The following CYP7B1 variants were observed in gnomAD, a reference collection of about 807,000 sequenced individuals.
CYP7B1 encodes cytochrome P450 family 7 subfamily B member 1, also known as cytochrome P450 7B1.
A neutral mutation model predicts 42.7 loss-of-function variants in CYP7B1; 29 were observed. The ratio of observed to expected loss-of-function variants is 0.68; its 90% confidence interval spans 0.51 to 0.93. The LOEUF (loss-of-function observed/expected upper bound fraction) is 0.93. Among genes scored for constraint, CYP7B1 ranks in the 40% least tolerant of loss-of-function variants. The pLI is 0.00. For synonymous variants in CYP7B1, 235 were observed against 218.2 expected (o/e 1.08, Z -0.68); for missense variants, 655 against 600.5 (o/e 1.09, Z -0.95).
rs1262123033 is a variant in CYP7B1, at chr8:64,592,238, T to G, written c.*4404A>C. The stretch of plus-strand genomic sequence containing the variant: ...AATATATAATACAGTTTTTAAAAAT[T>G]CTAAGCCTCAATGACTATATTTGGT... On this transcript the variant is annotated 3_prime_UTR_variant, in exon 6 of 6. Transcript: ENST00000310193. Among the ~76,000 whole-genome samples the G allele has an allele frequency of 1.3e-5, 2 of 152,122 alleles. No individual in the cohort carries two copies. Among genetic ancestry groups the G allele is most frequent in the Non-Finnish European group, 2.9e-5 (2 of 68,014 alleles).
chr8:64,596,706 C>A lies in CYP7B1; in HGVS notation c.1457G>T (p.Arg486Leu). 1 of 1,613,356 alleles carries A rather than the reference C, an allele frequency of 6.2e-7. No individual in the cohort carries two copies. The highest frequency in any genetic ancestry group is 8.5e-7 in the Non-Finnish European group (1 of 1,179,696). The change falls in exon 6 of 6, where the codon CGC becomes CTC. Residue 486 changes from arginine (R) to leucine (L), a missense_variant. Coordinates refer to ENST00000310193, the MANE Select transcript of CYP7B1 (RefSeq NM_004820.5). ...DDKPIGLNYSRLLFGIQYPDS... is the reference protein window; with the variant it reads ...DDKPIGLNYSLLLFGIQYPDS... ...TGGATACTGAATACCAAACAACAAG[C>A]GGCTGTAGTTTAGTCCTATGGGCTT...
At chr8:64,692,009 A>C (rs1806753339) in intron 1 of CYP7B1, among the ~76,000 whole-genome samples, 1 of 152,238 alleles carries the variant, frequency 6.6e-6, no homozygotes, top group African/African-American at 2.4e-5. Context: ...GCATCAACTG[A>C]ATGTCCTCTG....
At chr8:64,648,628 TTC>T (rs1805989909) in intron 1 of CYP7B1, among the ~76,000 whole-genome samples, 1 of 152,214 alleles carries the variant, frequency 6.6e-6, no homozygotes, top group Non-Finnish European at 1.5e-5. Context: ...AATTAATTCA[TTC>T]TGTTTTGCTC....
chr8:64,739,483 C>T (rs1443264040), intron 1 of CYP7B1, among the ~76,000 whole-genome samples: 3 of 152,198 alleles, frequency 2.0e-5, no homozygotes, highest in African/African-American at 4.8e-5. Flanking sequence ...CACAGCCTAA[C>T]ACCTAGCAAG....
intron 1 of CYP7B1, among the ~76,000 whole-genome samples, chr8:64,781,667 TC>T (rs571028260): frequency 3.2e-4 from 48 of 152,264 alleles, no homozygotes; most frequent in African/African-American, 1.1e-3. Flanking sequence ...CTGAGCCCTC[TC>T]AAAAACTGCA....
intron 1 of CYP7B1, among the ~76,000 whole-genome samples, chr8:64,729,548 T>C (rs1361139960): frequency 6.6e-6 from 1 of 152,234 alleles, no homozygotes; most frequent in East Asian, 1.9e-4. Flanking sequence ...TAGTTATAAA[T>C]GTTAGAGAAA....
chr8:64,619,905 T>C (rs1204349604), intron 2 of CYP7B1, among the ~76,000 whole-genome samples: 1 of 152,078 alleles, frequency 6.6e-6, no homozygotes, highest in Non-Finnish European at 1.5e-5. Flanking sequence ...TCCATGAGAA[T>C]TGGCTGCTTG....
chr8:64,786,978 T>C (rs535824994), intron 1 of CYP7B1, among the ~76,000 whole-genome samples: 1 of 152,354 alleles, frequency 6.6e-6, no homozygotes, highest in African/African-American at 2.4e-5. Context: ...TAGCTGTGCT[T>C]TGGCCCCTTT....
chr8:64,656,479 C>T (rs1806122244), intron 1 of CYP7B1, among the ~76,000 whole-genome samples: 1 of 152,214 alleles, frequency 6.6e-6, no homozygotes, highest in Admixed American at 6.5e-5. Flanking sequence ...GAAAGCCCCA[C>T]TGCCTTTTGG....
rs529062076 is a variant in CYP7B1 at position 64,654,926 on chromosome 8, A to G, written c.123-30387T>C. Reference sequence around the variant, plus strand: ...GACAAAAACAAGCAATGAGGAAAACATTCCCTCCTCAATAAATGGTGTTGA... The same window carrying G: ...GACAAAAACAAGCAATGAGGAAAACGTTCCCTCCTCAATAAATGGTGTTGA... On this transcript the variant is annotated intron_variant, in intron 1 of 5. Transcript: ENST00000310193. Among the ~76,000 whole-genome samples the G allele has an allele frequency of 2.0e-4, 31 of 152,290 alleles. 1 individual carries two copies. Among genetic ancestry groups the G allele is most frequent in the African/African-American group, 7.0e-4 (29 of 41,554 alleles).
rs185979108 is a variant in CYP7B1, at chr8:64,707,112, C to T, written c.123-82573G>A. Among the ~76,000 whole-genome samples the T allele has an allele frequency of 1.7e-3, 265 of 152,034 alleles. 1 individual carries two copies. Among genetic ancestry groups the T allele is most frequent in the African/African-American group, 6.0e-3 (247 of 41,488 alleles). ...AAATCCATATGTTGTGCAACATATG[C>T]GTATGCAAAACAAGCCTTCCAGAGA... On this transcript the variant is annotated intron_variant, in intron 1 of 5. Transcript: ENST00000310193.
intron 1 of CYP7B1, among the ~76,000 whole-genome samples, chr8:64,693,562 ATTTAAG>A (rs1204156626): frequency 1.3e-5 from 2 of 152,230 alleles, no homozygotes; most frequent in Admixed American, 1.3e-4. Flanking sequence ...TATTGTGTAT[ATTTAAG>A]TTTATCTTTT....
At chr8:64,653,617 G>A (rs1051871976) in intron 1 of CYP7B1, among the ~76,000 whole-genome samples, 1 of 151,990 alleles carries the variant, frequency 6.6e-6, no homozygotes, top group Non-Finnish European at 1.5e-5. Flanking sequence ...TTCAAAAATC[G>A]AGGAGAAGGG....
chr8:64,606,306 G>C (rs1016621615), intron 4 of CYP7B1, among the ~76,000 whole-genome samples: 1 of 152,216 alleles, frequency 6.6e-6, no homozygotes, highest in Non-Finnish European at 1.5e-5. Flanking sequence ...TCAGCTGGCA[G>C]AACACCAAGG....
chr8:64,686,086 C>T (rs1456424525), intron 1 of CYP7B1, among the ~76,000 whole-genome samples: 195 of 108,288 alleles, frequency 1.8e-3, no homozygotes, highest in African/African-American at 4.6e-3. Context: ...CCAGCCGCCC[C>T]GTCCGGGAGG....
intron 4 of CYP7B1, 131 bp from the exon 5 acceptor site, chr8:64,604,988 G>A (rs928468487): frequency 3.4e-5 from 37 of 1,092,236 alleles, no homozygotes; most frequent in Non-Finnish European, 5.0e-5. Context: ...CATACATTGA[G>A]CACCAAGAGG....
intron 1 of CYP7B1, among the ~76,000 whole-genome samples, chr8:64,652,558 C>T (rs1319628006): frequency 1.3e-5 from 2 of 152,164 alleles, no homozygotes; most frequent in African/African-American, 4.8e-5. Flanking sequence ...AATTAAACAA[C>T]ATGTGGCCAG....
intron 1 of CYP7B1, among the ~76,000 whole-genome samples, chr8:64,773,033 TC>T (rs1372938233): frequency 2.0e-5 from 3 of 152,218 alleles, no homozygotes; most frequent in African/African-American, 7.2e-5. Context: ...CAGTGCCACT[TC>T]CAGAACTCCA....
At chr8:64,647,309 A>C (rs1805968910) in intron 1 of CYP7B1, among the ~76,000 whole-genome samples, 1 of 152,156 alleles carries the variant, frequency 6.6e-6, no homozygotes, top group South Asian at 2.1e-4. Context: ...AGGTATAATA[A>C]TAATGAAAAA....
Sources: allele counts gnomAD v4.1 joint callset (sites outside exome capture counted in the v4.1 genomes callset), GRCh38; gene constraint gnomAD v4.1.1; transcripts MANE v1.5; gene names NCBI Gene and HGNC (gene_info 2026-07-23, HGNC 2026-07-21).